CHRM3: variants seen among roughly 807,000 people sequenced by gnomAD.
The protein encoded by CHRM3 is cholinergic receptor muscarinic 3, also known as muscarinic acetylcholine receptor M3.
A neutral mutation model predicts 41.8 loss-of-function variants in CHRM3; 11 were observed. The ratio of observed to expected loss-of-function variants is 0.26; its 90% CI spans 0.17 to 0.44. The LOEUF is 0.44. CHRM3 is among the 20% of genes least tolerant of loss of function. The pLI is 1.00. For missense variants in CHRM3, 571 were observed against 745.4 expected (o/e 0.77, Z 2.72); for synonymous variants, 297 against 301.4 (o/e 0.99, Z 0.15).
At chr1:239,712,671 G>A (rs1417870742) in intron 5 of CHRM3, among the ~76,000 whole-genome samples, 1 of 152,144 alleles carries the variant, frequency 6.6e-6, no homozygotes, top group Non-Finnish European at 1.5e-5. Flanking sequence ...TTAGAAATCT[G>A]AGAACAGTAA....
intron 2 of CHRM3, among the ~76,000 whole-genome samples, chr1:239,541,656 C>T (rs142761361): frequency 0.028 from 4,234 of 152,046 alleles, 226 homozygotes; most frequent in African/African-American, 0.095. Flanking sequence ...GGACTACAGG[C>T]GTGTGCCACT....
chr1:239,488,177 T>C (rs1385436467), intron 1 of CHRM3, among the ~76,000 whole-genome samples: 2 of 152,156 alleles, frequency 1.3e-5, no homozygotes, highest in African/African-American at 4.8e-5. Context: ...CCTACCAACA[T>C]ACTAACATGC....
At chr1:239,441,312 G>A (rs189908634) in intron 1 of CHRM3, among the ~76,000 whole-genome samples, 53 of 152,264 alleles carry the variant, frequency 3.5e-4, no homozygotes, top group East Asian at 2.5e-3. Flanking sequence ...ATTGGAGCTC[G>A]TTTGCATGCT....
At chr1:239,816,383 GAGA>G (rs370546891) in intron 5 of CHRM3, among the ~76,000 whole-genome samples, 96 of 152,162 alleles carry the variant, frequency 6.3e-4, no homozygotes, top group South Asian at 2.3e-3. Context: ...CTGTTTTGCT[GAGA>G]AGCTTTATTA....
chr1:239,836,336 C>G (rs775328562), intron 6 of CHRM3, among the ~76,000 whole-genome samples: 3 of 152,186 alleles, frequency 2.0e-5, no homozygotes, highest in Non-Finnish European at 4.4e-5. Flanking sequence ...GCATCCGAGC[C>G]TGTCACCATG....
chr1:239,862,500 G>T (rs1675719461), intron 6 of CHRM3, among the ~76,000 whole-genome samples: 1 of 151,872 alleles, frequency 6.6e-6, no homozygotes, highest in African/African-American at 2.4e-5. Context: ...TTTCTTCTTT[G>T]CCAAGTCACA....
intron 3 of CHRM3, among the ~76,000 whole-genome samples, chr1:239,622,573 T>C (rs942485375): frequency 3.9e-5 from 6 of 152,100 alleles, no homozygotes; most frequent in South Asian, 2.1e-4. Flanking sequence ...TAAATACCAT[T>C]GTGGTAGAAA....
intron 6 of CHRM3, among the ~76,000 whole-genome samples, chr1:239,892,282 G>A (rs911277468): frequency 4.6e-5 from 7 of 152,186 alleles, no homozygotes; most frequent in Non-Finnish European, 8.8e-5. Context: ...CTGTGCCAAA[G>A]TAGACATTTT....
intron 1 of CHRM3, among the ~76,000 whole-genome samples, chr1:239,410,441 T>C (rs1413257248): frequency 6.6e-6 from 1 of 152,138 alleles, no homozygotes; most frequent in Non-Finnish European, 1.5e-5. Flanking sequence ...CATTGCAAAA[T>C]CCAAAATGTT....
intron 5 of CHRM3, chr1:239,706,495 A>G (rs1661174919): frequency 6.6e-6 from 1 of 151,978 alleles, no homozygotes; most frequent in South Asian, 2.1e-4. Context: ...GAAACTTAAC[A>G]CCTAGAAAAA....
intron 5 of CHRM3, among the ~76,000 whole-genome samples, chr1:239,737,015 G>T (rs969374487): frequency 6.6e-6 from 1 of 151,906 alleles, no homozygotes; most frequent in African/African-American, 2.4e-5. Context: ...TATTGTTATT[G>T]GTTCATTTAA....
At chr1:239,640,362 C>G (rs1181603205) in intron 4 of CHRM3, among the ~76,000 whole-genome samples, 4 of 152,128 alleles carry the variant, frequency 2.6e-5, no homozygotes, top group South Asian at 2.1e-4. Context: ...CCTTTTACCT[C>G]TAGTAGAATT....
At position 239,387,448 on chromosome 1, in the gene CHRM3, C is replaced by A. The variant is rs1204409533; in HGVS notation, c.-521+221C>A. Among the ~76,000 whole-genome samples, 2 of 151,934 alleles carry A rather than the reference C, an allele frequency of 1.3e-5. No individual in the cohort carries two copies. The highest frequency in any genetic ancestry group is 2.9e-5 in the Non-Finnish European group (2 of 67,986). ...TGAATTCCGACAGCGCGATCTGGTG[C>A]GGAGTTGGAGTTCTGGGACTGAGGG... On this transcript the variant is annotated intron_variant, in intron 1 of 6. Coordinates refer to ENST00000676153, the MANE Select transcript of CHRM3 (RefSeq NM_001375978.1). This position sits in a 1 kb window ranked among gnomAD's most constrained non-coding sequence, Gnocchi z 5.1.
At chr1:239,660,510 A>T (rs772532692) in intron 4 of CHRM3, among the ~76,000 whole-genome samples, 15 of 152,028 alleles carry the variant, frequency 9.9e-5, no homozygotes, top group Non-Finnish European at 1.2e-4. Context: ...TATATATATT[A>T]AAAAAAATCT....
intron 3 of CHRM3, among the ~76,000 whole-genome samples, chr1:239,554,505 G>A (rs558938857): frequency 1.1e-3 from 170 of 152,012 alleles, no homozygotes; most frequent in Non-Finnish European, 1.8e-3. Flanking sequence ...TGCAGAAAAA[G>A]AGTGATCATT....
chr1:239,539,152 A>C (rs535177342), intron 2 of CHRM3, among the ~76,000 whole-genome samples: 1 of 152,306 alleles, frequency 6.6e-6, no homozygotes, highest in East Asian at 1.9e-4. Context: ...CTCATGCCCA[A>C]GAAGCTGCTT....
At chr1:239,815,443 C>G (rs1156671726) in intron 5 of CHRM3, among the ~76,000 whole-genome samples, 2 of 152,166 alleles carry the variant, frequency 1.3e-5, no homozygotes, top group Non-Finnish European at 2.9e-5. Context: ...AAAGTCCCCT[C>G]CTGCCTTTTT....
At chr1:239,821,536 A>G (rs1339794942) in intron 5 of CHRM3, among the ~76,000 whole-genome samples, 2 of 152,176 alleles carry the variant, frequency 1.3e-5, no homozygotes, top group Admixed American at 6.5e-5. Context: ...TGGCTGGGAA[A>G]TAGGAACCAA....
intron 1 of CHRM3, among the ~76,000 whole-genome samples, chr1:239,411,705 A>C (rs1444265309): frequency 8.2e-6 from 1 of 122,028 alleles, no homozygotes; most frequent in Non-Finnish European, 1.6e-5. Flanking sequence ...AGCCTGGGCG[A>C]CAGAGCCTCT....
Sources: allele counts gnomAD v4.1 joint callset (sites outside exome capture counted in the v4.1 genomes callset), GRCh38; gene constraint gnomAD v4.1.1; non-coding constraint Gnocchi (gnomAD v3.1); transcripts MANE v1.5; gene names NCBI Gene and HGNC (gene_info 2026-07-23, HGNC 2026-07-21).